SRGAP1: variants seen among roughly 807,000 people sequenced by gnomAD.
The protein encoded by SRGAP1 is SLIT-ROBO Rho GTPase-activating protein 1.
A neutral mutation model predicts 121.9 loss-of-function variants in SRGAP1; 43 were observed. The ratio of observed to expected loss-of-function variants is 0.35; its 90% CI spans 0.28 to 0.46. SRGAP1 has a LOEUF of 0.46. Among genes scored for constraint, SRGAP1 ranks in the 20% least tolerant of loss-of-function variants. SRGAP1 has a pLI of 1.00. For synonymous variants in SRGAP1, 447 were observed against 485.4 expected, an observed-to-expected ratio of 0.92 and a Z score of 1.04; for missense variants, 1,102 against 1,350.9, an observed-to-expected ratio of 0.82 and a Z score of 2.89.
At chr12:64,057,745 G>A (rs1389961035) in intron 6 of SRGAP1, among the ~76,000 whole-genome samples, 4 of 152,124 alleles carry the variant, frequency 2.6e-5, no homozygotes, top group Non-Finnish European at 5.9e-5. Flanking sequence ...AGAAATGAAG[G>A]TAGAATAATT....
intron 1 of SRGAP1, among the ~76,000 whole-genome samples, chr12:63,897,414 G>C (rs1192774025): frequency 1.3e-5 from 2 of 152,168 alleles, no homozygotes; most frequent in Non-Finnish European, 1.5e-5. Context: ...CATGTCAGCT[G>C]TACTTTCAAC....
chr12:63,895,123 A>C (rs570348383), intron 1 of SRGAP1, among the ~76,000 whole-genome samples: 1 of 152,192 alleles, frequency 6.6e-6, no homozygotes, highest in Non-Finnish European at 1.5e-5. Context: ...ATTTCTGCAC[A>C]TCCTCTCCAG....
At chr12:63,992,435 G>A (rs2033579053) in intron 3 of SRGAP1, among the ~76,000 whole-genome samples, 1 of 152,138 alleles carries the variant, frequency 6.6e-6, no homozygotes, top group African/African-American at 2.4e-5. Context: ...TGAGTGCTCT[G>A]GGGCTGGCAT....
In SRGAP1 at chr12:64,100,108, A is replaced by G. The variant is rs566202881; in HGVS notation, c.1813+2733A>G. On this transcript the variant is annotated intron_variant, in intron 15 of 21. Transcript: ENST00000355086. ...AAGGGTTTCACATCATGCCTGGCAC[A>G]TAGTAACCCTCAGTAAGTGTTGCAA... Among the ~76,000 whole-genome samples, 47 of 152,354 alleles carry G rather than the reference A, an allele frequency of 3.1e-4. 1 individual carries two copies. The South Asian group carries it at 6.6e-3, about 21-fold the overall frequency.
intron 10 of SRGAP1, chr12:64,081,336 A>T (rs1332843406): frequency 6.6e-6 from 1 of 152,140 alleles, no homozygotes; most frequent in Non-Finnish European, 1.5e-5. Flanking sequence ...TTAACCATAA[A>T]GTTTCTATCA....
chr12:63,909,016 A>G (rs757477285), intron 1 of SRGAP1, among the ~76,000 whole-genome samples: 18 of 151,852 alleles, frequency 1.2e-4, no homozygotes, highest in African/African-American at 4.4e-4. Context: ...TCAGCCTCCC[A>G]ATAGCTGGGA....
intron 1 of SRGAP1, among the ~76,000 whole-genome samples, chr12:63,939,928 T>C (rs1023872060): frequency 2.0e-5 from 3 of 152,116 alleles, no homozygotes; most frequent in African/African-American, 7.2e-5. Context: ...CATTTTCTCT[T>C]GTAGAAATGA....
chr12:64,005,269 T>G (rs1044901174), intron 3 of SRGAP1, among the ~76,000 whole-genome samples: 2 of 152,216 alleles, frequency 1.3e-5, no homozygotes, highest in Non-Finnish European at 2.9e-5. Flanking sequence ...CAAGCACTAC[T>G]TTTTAAACAT....
At chr12:64,055,821 C>T (rs1363338484) in intron 6 of SRGAP1, among the ~76,000 whole-genome samples, 1 of 152,084 alleles carries the variant, frequency 6.6e-6, no homozygotes, top group East Asian at 1.9e-4. Context: ...TTTGGCTGGA[C>T]TTCTGAATGT....
At chr12:63,969,221 C>T (rs2032868776) in intron 1 of SRGAP1, among the ~76,000 whole-genome samples, 1 of 152,022 alleles carries the variant, frequency 6.6e-6, no homozygotes, top group East Asian at 1.9e-4. Context: ...GTCAGAGCTA[C>T]CTTAGAATTA....
At chr12:63,898,321 G>T (rs1900821028) in intron 1 of SRGAP1, among the ~76,000 whole-genome samples, 1 of 152,216 alleles carries the variant, frequency 6.6e-6, no homozygotes, top group Non-Finnish European at 1.5e-5. Flanking sequence ...AGTACAGTCA[G>T]CTCAGGACAT....
chr12:63,990,621 G>A (rs1045736894), intron 3 of SRGAP1, among the ~76,000 whole-genome samples: 3 of 152,162 alleles, frequency 2.0e-5, no homozygotes, highest in African/African-American at 7.2e-5. Flanking sequence ...TACTTATAGA[G>A]TTATAAGTCA....
chr12:63,980,584 A>G (rs1565979932), intron 1 of SRGAP1, among the ~76,000 whole-genome samples: 2 of 151,362 alleles, frequency 1.3e-5, no homozygotes, highest in Non-Finnish European at 2.9e-5. Context: ...TTCTCTTCCT[A>G]ACGAGATGTT....
At chr12:64,029,750 A>T (rs1274178844) in intron 4 of SRGAP1, among the ~76,000 whole-genome samples, 1 of 151,974 alleles carries the variant, frequency 6.6e-6, no homozygotes, top group Non-Finnish European at 1.5e-5. Flanking sequence ...TAATCCCAGC[A>T]CTTTGGAAGA....
At chr12:63,968,959 A>C (rs1039827428) in intron 1 of SRGAP1, among the ~76,000 whole-genome samples, 4 of 152,170 alleles carry the variant, frequency 2.6e-5, no homozygotes, top group Non-Finnish European at 5.9e-5. Context: ...AGAGAACATC[A>C]GCTGTGCCTG....
chr12:64,077,931 T>C (rs1344280273), intron 8 of SRGAP1, among the ~76,000 whole-genome samples: 1 of 152,082 alleles, frequency 6.6e-6, no homozygotes, highest in African/African-American at 2.4e-5. Flanking sequence ...ACTTAGAAAA[T>C]GGAGCAAGAG....
chr12:64,150,320 A>T lies in SRGAP1; in HGVS notation c.*7648A>T, dbSNP rs532791203. 1 of 152,298 alleles carries T rather than the reference A, an allele frequency of 6.6e-6. No individual in the cohort carries two copies. Among genetic ancestry groups the T allele is most frequent in the Admixed American group, 6.5e-5 (1 of 15,296 alleles). The allele number at this position is 152,298 out of a possible 1,614,324, so 9.4% of individuals were successfully genotyped here. A position where few individuals can be genotyped will look rare whatever the true frequency, so the allele number is the denominator to read the frequency against. ...TCCAATTCTGGCGACTTATGGATGGATCCTTCACACCCAACAGCTGTCTAT... is the reference window on the plus strand; with the variant it reads ...TCCAATTCTGGCGACTTATGGATGGTTCCTTCACACCCAACAGCTGTCTAT... On this transcript the variant is annotated 3_prime_UTR_variant, in exon 22 of 22. Transcript: ENST00000355086.
chr12:64,127,884 C>T lies in SRGAP1; in HGVS notation c.2564C>T (p.Pro855Leu), dbSNP rs1218690808. The part of the protein sequence containing the change: ...LARQRKRGEP[P>L]PPVRRPGRTS... ...AGGCAACGAAAAAGAGGAGAGCCAC[C>T]CCCTCCAGTAAGGCGTCCTGGCAGG... is the stretch of plus-strand genomic sequence containing the variant. Residue 855 changes from proline to leucine, a missense_variant, in exon 21 of 22, where the codon CCC (proline) becomes CTC (leucine). Around this residue, in one of 3 missense-constraint regions of SRGAP1, gnomAD observed 315 missense variants for 343.1 expected, o/e 0.92. Coordinates refer to ENST00000355086, the MANE Select transcript of SRGAP1 (RefSeq NM_020762.4). The T allele has an allele frequency of 2.5e-6, 4 of 1,612,094 alleles. No homozygotes were observed. The highest frequency in any genetic ancestry group is 2.5e-6 in the Non-Finnish European group (3 of 1,178,610).
intron 1 of SRGAP1, among the ~76,000 whole-genome samples, chr12:63,855,612 TC>T (rs1214779890): frequency 6.8e-6 from 1 of 146,974 alleles, no homozygotes. Flanking sequence ...TGCCTCAGCT[TC>T]CCAAGTAGGG....
Sources: gnomAD v4.1 joint callset for allele counts (sites outside exome capture counted in the v4.1 genomes callset) on GRCh38, gnomAD v4.1.1 for gene constraint, gnomAD v4.1.1 regional missense constraint, MANE v1.5 for transcripts, NCBI Gene and HGNC (gene_info 2026-07-23, HGNC 2026-07-21) for gene names.